Variants in STPG2 observed in about 807,000 individuals in gnomAD.
The protein encoded by STPG2 is sperm-tail PG-rich repeat-containing protein 2.
STPG2 carries 56 observed loss-of-function variants against 54.2 expected under a neutral mutation model. The observed-to-expected ratio is 1.03, with a 90% CI of 0.83 to 1.29. The LOEUF (loss-of-function observed/expected upper bound fraction) is 1.29, where lower values mean the gene tolerates loss of function less well. STPG2 is among the 50% of genes most tolerant of loss of function. The pLI, the probability that STPG2 is intolerant of heterozygous loss-of-function variation, is 0.00. For missense variants in STPG2, 596 were observed against 544.9 expected, an observed-to-expected ratio of 1.09 and a Z score of -0.93; for synonymous variants, 200 against 181.8, an observed-to-expected ratio of 1.10 and a Z score of -0.81.
chr4:97,747,259 A>T (rs150732812), intron 9 of STPG2, among the ~76,000 whole-genome samples: 1 of 151,358 alleles, frequency 6.6e-6, no homozygotes, highest in Non-Finnish European at 1.5e-5. Flanking sequence ...TCAAAACTTC[A>T]TATTAGTTAT....
chr4:97,964,011 A>G lies in STPG2; in HGVS notation c.933+8269T>C, dbSNP rs1733997418. 6.6e-5 allele frequency among the ~76,000 whole-genome samples: 10 copies of G among 152,314 alleles called. No homozygotes were observed. The South Asian group carries it at 2.1e-3, about 32-fold the overall frequency. On this transcript the variant is annotated intron_variant, in intron 7 of 10. Transcript: ENST00000295268. ...GGGACCTGTGGGAGCAAAATATAAT[A>G]AAAGAAAAATGTCTGTAAGTTAATG...
rs143593592 is a variant in STPG2 at position 97,953,679 on chromosome 4, G to A, written c.934-9672C>T. On this transcript the variant is annotated intron_variant, in intron 7 of 10. Transcript: ENST00000295268. ...CTTAAATCAGTTCTAGCACTGGGTA[G>A]AGTTAAGGTGTTCCCCCATGGGCAG... Among the ~76,000 whole-genome samples, 641 of 152,324 alleles carry A rather than the reference G, an allele frequency of 4.2e-3. 3 individuals carry two copies. Among genetic ancestry groups the A allele is most frequent in the South Asian group, 0.024 (117 of 4,824 alleles).
intron 5 of STPG2, among the ~76,000 whole-genome samples, chr4:98,013,993 A>G (rs1027312737): frequency 6.0e-5 from 9 of 150,904 alleles, no homozygotes; most frequent in Non-Finnish European, 8.9e-5. Flanking sequence ...GATCTTAGTT[A>G]TTTCTTGTCT....
At chr4:97,712,675 G>A in intron 10 of STPG2, 24 bp downstream of exon 10, 1 of 1,493,782 alleles carries the variant, frequency 6.7e-7, no homozygotes. Flanking sequence ...TTGTGTCACT[G>A]TTAAGAAGGA....
intron 8 of STPG2, among the ~76,000 whole-genome samples, chr4:97,912,049 G>C (rs1454328288): frequency 6.6e-6 from 1 of 152,110 alleles, no homozygotes; most frequent in Non-Finnish European, 1.5e-5. Context: ...GAGGGACCCA[G>C]GCGATTAGGG....
chr4:97,829,373 C>A (rs566292425), intron 9 of STPG2, among the ~76,000 whole-genome samples: 33 of 152,178 alleles, frequency 2.2e-4, no homozygotes, highest in African/African-American at 7.5e-4. Flanking sequence ...CAAAAGTCAC[C>A]AACATCAAAG....
At chr4:97,807,997 T>A (rs1229760283) in intron 9 of STPG2, among the ~76,000 whole-genome samples, 1 of 146,386 alleles carries the variant, frequency 6.8e-6, no homozygotes. Context: ...CCAAATATAA[T>A]TGAATATTTT....
intron 10 of STPG2, among the ~76,000 whole-genome samples, chr4:97,711,803 G>A (rs1338901881): frequency 1.3e-5 from 2 of 151,462 alleles, no homozygotes; most frequent in Non-Finnish European, 2.9e-5. Context: ...CCGAGTAGCT[G>A]GGACTACAGG....
intron 3 of STPG2, among the ~76,000 whole-genome samples, chr4:98,117,380 C>A (rs73832131): frequency 1.9e-3 from 287 of 152,050 alleles, no homozygotes; most frequent in African/African-American, 6.7e-3. Context: ...AACAGCTTGA[C>A]TGTGATGTGT....
chr4:98,022,952 A>G (rs1487012219), intron 5 of STPG2, among the ~76,000 whole-genome samples: 1 of 151,974 alleles, frequency 6.6e-6, no homozygotes, highest in Non-Finnish European at 1.5e-5. Context: ...CTTCTTTGCC[A>G]TTGGTTTGAA....
chr4:97,827,277 C>A (rs1728290223), intron 9 of STPG2, among the ~76,000 whole-genome samples: 1 of 150,098 alleles, frequency 6.7e-6, no homozygotes, highest in African/African-American at 2.5e-5. Flanking sequence ...GCTCTGTCAC[C>A]CAGGCTGGAG....
At chr4:97,820,898 A>G (rs1462372172) in intron 9 of STPG2, among the ~76,000 whole-genome samples, 3 of 152,150 alleles carry the variant, frequency 2.0e-5, no homozygotes, top group East Asian at 1.9e-4. Context: ...ACTTCCCACC[A>G]GGCCCCACCT....
At chr4:97,953,964 A>G (rs1270293048) in intron 7 of STPG2, among the ~76,000 whole-genome samples, 1 of 152,230 alleles carries the variant, frequency 6.6e-6, no homozygotes, top group Non-Finnish European at 1.5e-5. Context: ...CCAATCTGCC[A>G]TCTTGGAAAA....
chr4:97,863,771 C>G (rs1242683447), intron 8 of STPG2, among the ~76,000 whole-genome samples: 2 of 152,146 alleles, frequency 1.3e-5, no homozygotes, highest in Non-Finnish European at 2.9e-5. Context: ...GGCTTCATCC[C>G]TGGGATGCAA....
At chr4:97,904,445 C>T (rs539870768) in intron 8 of STPG2, among the ~76,000 whole-genome samples, 2 of 152,308 alleles carry the variant, frequency 1.3e-5, no homozygotes, top group East Asian at 1.9e-4. Flanking sequence ...ACACCAAAAA[C>T]CCATCTGTAC....
At chr4:97,658,674 G>A (rs1460602871) in intron 10 of STPG2, among the ~76,000 whole-genome samples, 1 of 152,216 alleles carries the variant, frequency 6.6e-6, no homozygotes, top group Non-Finnish European at 1.5e-5. Context: ...CTAAGAGGAT[G>A]TGGACATGAG....
chr4:98,044,953 T>C (rs1360567267), intron 5 of STPG2, among the ~76,000 whole-genome samples: 4 of 152,120 alleles, frequency 2.6e-5, no homozygotes, highest in Non-Finnish European at 4.4e-5. Context: ...CTCTATTCTA[T>C]CCTAGGTCTG....
intron 9 of STPG2, among the ~76,000 whole-genome samples, chr4:97,816,512 T>C (rs1727915396): frequency 6.6e-6 from 1 of 152,160 alleles, no homozygotes; most frequent in Admixed American, 6.6e-5. Flanking sequence ...GTAAAAGCAT[T>C]CCTATTTCAG....
At chr4:97,493,806 G>T (rs546073215) in intron 4 of STPG2, among the ~76,000 whole-genome samples, 1 of 151,522 alleles carries the variant, frequency 6.6e-6, no homozygotes, top group Non-Finnish European at 1.5e-5. Context: ...GATCAAAGAT[G>T]AAATTGTTTT....
Sources: allele counts gnomAD v4.1 joint callset (sites outside exome capture counted in the v4.1 genomes callset), GRCh38; gene constraint gnomAD v4.1.1; transcripts MANE v1.5; gene names NCBI Gene and HGNC (gene_info 2026-07-23, HGNC 2026-07-21).